Variants in ITGBL1 observed in about 807,000 individuals in gnomAD.
The protein encoded by ITGBL1 is integrin subunit beta like 1.
A neutral mutation model predicts 68.5 loss-of-function variants in ITGBL1; 51 were observed. That is an observed-to-expected ratio of 0.74 (90% CI 0.59 to 0.94). The LOEUF is 0.94. Among genes scored for constraint, ITGBL1 ranks in the 40% least tolerant of loss-of-function variants. The probability of loss-of-function intolerance (pLI) is 0.00; values close to 1 mark genes in which losing one functional copy is unlikely to be tolerated. For missense variants in ITGBL1, 649 were observed against 647.4 expected, an observed-to-expected ratio of 1.00 and a Z score of -0.03; for synonymous variants, 209 against 227.3, an observed-to-expected ratio of 0.92 and a Z score of 0.72.
chr13:101,671,431 T>TTTTTTTTG, intron 7 of ITGBL1, among the ~76,000 whole-genome samples: 2 of 69,738 alleles, frequency 2.9e-5, no homozygotes, highest in Admixed American at 3.6e-4. Flanking sequence ...CCTTTGTTTT[T>TTTTTTTTG]TTTTTGTTTT....
At chr13:101,690,525 C>G (rs1045193847) in intron 7 of ITGBL1, among the ~76,000 whole-genome samples, 3 of 152,126 alleles carry the variant, frequency 2.0e-5, no homozygotes, top group Admixed American at 2.0e-4. Context: ...TGTGAAGGAA[C>G]AGTTCACCAT....
intron 7 of ITGBL1, among the ~76,000 whole-genome samples, chr13:101,657,655 A>G (rs1001648200): frequency 9.2e-5 from 14 of 152,202 alleles, no homozygotes; most frequent in Admixed American, 4.6e-4. Context: ...TTGAAACTGG[A>G]CTTCATATTG....
At chr13:101,685,359 T>G (rs1448437917) in intron 7 of ITGBL1, among the ~76,000 whole-genome samples, 1 of 152,062 alleles carries the variant, frequency 6.6e-6, no homozygotes. Context: ...CACATAAAAA[T>G]TTTTTCATTT....
chr13:101,703,266 C>G (rs1464164135), intron 8 of ITGBL1, among the ~76,000 whole-genome samples: 1 of 151,944 alleles, frequency 6.6e-6, no homozygotes, highest in Non-Finnish European at 1.5e-5. Context: ...GAAGGGTAGT[C>G]GCTTTTTGCT....
At chr13:101,587,985 C>T (rs1270563885) in intron 6 of ITGBL1, among the ~76,000 whole-genome samples, 1 of 152,148 alleles carries the variant, frequency 6.6e-6, no homozygotes, top group African/African-American at 2.4e-5. Flanking sequence ...AAGAAGTATC[C>T]TCTAAAGCAG....
At position 101,612,913 on chromosome 13, in the gene ITGBL1, C is replaced by A. The variant is rs79146088; in HGVS notation, c.1015+14614C>A. Among the ~76,000 whole-genome samples, 920 of 152,208 alleles carry A rather than the reference C, an allele frequency of 6.0e-3. 11 individuals are homozygous for A. The highest frequency in any genetic ancestry group is 0.021 in the African/African-American group (856 of 41,546). ...CTGCCAACACCGTGCCTTCCCTCAG[C>A]GTCCGTAGCTTATCAAAACAGCCAG... On this transcript the variant is annotated intron_variant, in intron 7 of 10. Coordinates refer to ENST00000376180, the MANE Select transcript of ITGBL1 (RefSeq NM_004791.3).
At chr13:101,517,153 C>G (rs2049208209) in intron 2 of ITGBL1, among the ~76,000 whole-genome samples, 1 of 152,058 alleles carries the variant, frequency 6.6e-6, no homozygotes, top group African/African-American at 2.4e-5. Flanking sequence ...CTGCCCCTAG[C>G]TATATTTTAT....
intron 7 of ITGBL1, among the ~76,000 whole-genome samples, chr13:101,659,044 T>TTC (rs2033009622): frequency 7.0e-6 from 1 of 142,778 alleles, no homozygotes; most frequent in Admixed American, 7.0e-5. Context: ...ATTGAATTTT[T>TTC]TTTTTTTTTT....
At chr13:101,567,879 G>A (rs774697420) in intron 3 of ITGBL1, 34 bp downstream of exon 3, 39 of 1,572,580 alleles carry the variant, frequency 2.5e-5, no homozygotes, top group Non-Finnish European at 7.8e-6. Context: ...TTGTTAAGTG[G>A]AATAATCAAA....
intron 3 of ITGBL1, among the ~76,000 whole-genome samples, chr13:101,574,842 A>G (rs1298577376): frequency 6.6e-6 from 1 of 152,088 alleles, no homozygotes; most frequent in Non-Finnish European, 1.5e-5. Context: ...CCAGCAATCC[A>G]TGCCTAAGGA....
Position 101,604,887 on chromosome 13 carries a change from T to TATGCACACACACAC in ITGBL1, c.1015+6589_1015+6590insTGCACACACACACA. On this transcript the variant is annotated intron_variant, in intron 7 of 10. Transcript: ENST00000376180. ...ATATATATATATATATATATATATA[T>TATGCACACACACAC]ACACACACACACACATATATATGTG... is the stretch of plus-strand genomic sequence containing the variant. Among the ~76,000 whole-genome samples, 68 of 22,168 alleles carry TATGCACACACACAC rather than the reference T, an allele frequency of 3.1e-3. 5 individuals carry two copies. The highest frequency in any genetic ancestry group is 5.0e-3 in the Non-Finnish European group (61 of 12,236). The allele number at this position is 22,168 out of a possible 152,430, so 14.5% of individuals were successfully genotyped here.
Position 101,582,022 on chromosome 13 carries a change from G to A in ITGBL1, c.728-1194G>A, listed in dbSNP as rs188865172. ...AAGATCTGCCACTGCTACCCACTTA[G>A]TAGTGGTTGATTGAGTGATAAACAT... is the stretch of plus-strand genomic sequence containing the variant. On this transcript the variant is annotated intron_variant, in intron 5 of 10. Coordinates refer to ENST00000376180, the MANE Select transcript of ITGBL1 (RefSeq NM_004791.3). Among the ~76,000 whole-genome samples the A allele has an allele frequency of 1.4e-3, 214 of 152,258 alleles. 5 individuals carry two copies. The highest frequency in any genetic ancestry group is 0.011 in the Admixed American group (170 of 15,302).
intron 2 of ITGBL1, among the ~76,000 whole-genome samples, chr13:101,456,875 G>A (rs1052828111): frequency 2.6e-5 from 4 of 152,016 alleles, no homozygotes; most frequent in East Asian, 1.9e-4. Context: ...AGATGATGCC[G>A]TTGCACTCTA....
intron 2 of ITGBL1, among the ~76,000 whole-genome samples, chr13:101,474,875 G>C (rs1316126576): frequency 6.6e-6 from 1 of 152,178 alleles, no homozygotes; most frequent in African/African-American, 2.4e-5. Context: ...GGCTTGGGGT[G>C]CCCCCTAATG....
chr13:101,718,825 A>G (rs1276369791), downstream of ITGBL1: 1 of 151,910 alleles, frequency 6.6e-6, no homozygotes, highest in East Asian at 1.9e-4. Flanking sequence ...TAGTTTGCAG[A>G]CTCAACTGTC....
At chr13:101,524,113 A>G (rs2049331200) in intron 2 of ITGBL1, among the ~76,000 whole-genome samples, 1 of 145,402 alleles carries the variant, frequency 6.9e-6, no homozygotes, top group Admixed American at 7.2e-5. Context: ...AAGGGGAAAA[A>G]CAAACTTTTT....
At chr13:101,500,684 T>C (rs2048927656) in intron 2 of ITGBL1, among the ~76,000 whole-genome samples, 1 of 152,214 alleles carries the variant, frequency 6.6e-6, no homozygotes, top group South Asian at 2.1e-4. Flanking sequence ...TGCACTTTCA[T>C]GTAAGTCAGT....
intron 7 of ITGBL1, among the ~76,000 whole-genome samples, chr13:101,636,694 G>T (rs1393945014): frequency 6.6e-6 from 1 of 152,096 alleles, no homozygotes; most frequent in East Asian, 1.9e-4. Flanking sequence ...GCAGAAGTGG[G>T]AAGGAGAAGC....
At chr13:101,684,982 A>T (rs1405691630) in intron 7 of ITGBL1, among the ~76,000 whole-genome samples, 1 of 151,998 alleles carries the variant, frequency 6.6e-6, no homozygotes, top group Admixed American at 6.6e-5. Flanking sequence ...TTATAAAAAG[A>T]GTCATTTTAC....
Sources: gnomAD v4.1 joint callset for allele counts (sites outside exome capture counted in the v4.1 genomes callset) on GRCh38, gnomAD v4.1.1 for gene constraint, MANE v1.5 for transcripts, NCBI Gene and HGNC (gene_info 2026-07-23, HGNC 2026-07-21) for gene names.